CTNNA3: variants seen among roughly 807,000 people sequenced by gnomAD.
The protein encoded by CTNNA3 is catenin alpha-3.
CTNNA3 carries 76 observed loss-of-function variants against 95.7 expected under a neutral mutation model. The observed-to-expected ratio is 0.79, with a 90% CI of 0.66 to 0.96. CTNNA3 has a LOEUF of 0.96. Ranked by LOEUF, CTNNA3 falls within the 40% of genes least tolerant of loss-of-function variation. The pLI is 0.00. For synonymous variants in CTNNA3, 431 were observed against 374.4 expected, an observed-to-expected ratio of 1.15 and a Z score of -1.74; for missense variants, 1,191 against 1,089.8, an observed-to-expected ratio of 1.09 and a Z score of -1.31.
Position 66,676,638 on chromosome 10 carries a change from G to A in CTNNA3, c.1282-54854C>T, listed in dbSNP as rs543581205. 4.7e-4 allele frequency among the ~76,000 whole-genome samples: 71 copies of A among 152,134 alleles called. 2 individuals carry two copies. The South Asian group carries it at 0.013, about 28-fold the overall frequency. Reference sequence around the variant, plus strand: ...AACCAGCTATGGTCCTAGGACTCAGGAGGATGAAAACAAAATAAAACACAT... The same window carrying A: ...AACCAGCTATGGTCCTAGGACTCAGAAGGATGAAAACAAAATAAAACACAT... On this transcript the variant is annotated intron_variant, in intron 9 of 17. Transcript: ENST00000433211.
At chr10:67,632,241 C>G (rs1839166933) in intron 2 of CTNNA3, among the ~76,000 whole-genome samples, 1 of 149,686 alleles carries the variant, frequency 6.7e-6, no homozygotes, top group Non-Finnish European at 1.5e-5. Flanking sequence ...ATACATACAT[C>G]AAATCATCAC....
intron 12 of CTNNA3, among the ~76,000 whole-genome samples, chr10:66,367,796 A>G (rs2092720852): frequency 6.7e-6 from 1 of 148,178 alleles, no homozygotes; most frequent in African/African-American, 2.5e-5. Context: ...TGCTTTCTTT[A>G]TCATGTGACT....
At chr10:67,246,718 G>T (rs1023535054) in intron 5 of CTNNA3, among the ~76,000 whole-genome samples, 2 of 152,118 alleles carry the variant, frequency 1.3e-5, no homozygotes, top group African/African-American at 4.8e-5. Flanking sequence ...GACACTTAAA[G>T]GTATGAGACA....
At chr10:65,921,162 G>C (rs1040272924) in intron 17 of CTNNA3, among the ~76,000 whole-genome samples, 1 of 152,092 alleles carries the variant, frequency 6.6e-6, no homozygotes, top group African/African-American at 2.4e-5. Context: ...AAATGTTTAC[G>C]GATAAAGGAC....
At chr10:66,046,156 C>T (rs906542483) in intron 15 of CTNNA3, among the ~76,000 whole-genome samples, 2 of 152,072 alleles carry the variant, frequency 1.3e-5, no homozygotes, top group Admixed American at 6.6e-5. Flanking sequence ...CTGGGAACAA[C>T]ACAGAGCAAG....
At chr10:66,539,010 T>C (rs1841754141) in intron 10 of CTNNA3, among the ~76,000 whole-genome samples, 1 of 152,196 alleles carries the variant, frequency 6.6e-6, no homozygotes, top group South Asian at 2.1e-4. Flanking sequence ...ATGGTGTATG[T>C]TAAATGACTA....
chr10:67,616,000 A>T (rs1255448097), intron 2 of CTNNA3, among the ~76,000 whole-genome samples: 1 of 152,172 alleles, frequency 6.6e-6, no homozygotes, highest in African/African-American at 2.4e-5. Context: ...AGGAAAGTGA[A>T]AAAGGGTAAG....
At chr10:67,593,285 TG>T (rs1162499565) in intron 3 of CTNNA3, among the ~76,000 whole-genome samples, 4 of 152,164 alleles carry the variant, frequency 2.6e-5, no homozygotes, top group African/African-American at 9.6e-5. Flanking sequence ...AACACATGAG[TG>T]TATGTGTCTT....
chr10:67,468,368 A>T (rs1178983031), intron 5 of CTNNA3, among the ~76,000 whole-genome samples: 1 of 144,312 alleles, frequency 6.9e-6, no homozygotes, highest in Non-Finnish European at 1.5e-5. Context: ...GTTCCTTTTA[A>T]AAAAAAAATG....
At chr10:67,331,655 AAT>A in intron 5 of CTNNA3, among the ~76,000 whole-genome samples, 1 of 152,264 alleles carries the variant, frequency 6.6e-6, no homozygotes, top group East Asian at 1.9e-4. Flanking sequence ...GAGTGAGATG[AAT>A]ATATATGTGT....
intron 7 of CTNNA3, among the ~76,000 whole-genome samples, chr10:66,877,374 G>A (rs922599701): frequency 6.6e-6 from 1 of 152,126 alleles, no homozygotes; most frequent in East Asian, 1.9e-4. Context: ...TGCACAGCAG[G>A]CACATTGCTT....
At chr10:66,160,145 T>C (rs1446838799) in intron 13 of CTNNA3, among the ~76,000 whole-genome samples, 1 of 151,990 alleles carries the variant, frequency 6.6e-6, no homozygotes, top group Non-Finnish European at 1.5e-5. Context: ...GTTTTATTTA[T>C]CTCTTGTATT....
At position 67,303,751 on chromosome 10, in the gene CTNNA3, A is replaced by G. The variant is rs185781519; in HGVS notation, c.580-83881T>C. Among the ~76,000 whole-genome samples the G allele has an allele frequency of 1.2e-3, 177 of 152,192 alleles. 1 individual carries two copies. The highest frequency in any genetic ancestry group is 4.1e-3 in the African/African-American group (171 of 41,526). On this transcript the variant is annotated intron_variant, in intron 5 of 17. Transcript: ENST00000433211. The stretch of plus-strand genomic sequence containing the variant: ...ATGTCAGGGATTGTTACTATTATTC[A>G]TTTTATAATCACCTCCTTTCCCCTA...
At chr10:66,382,568 G>T (rs117893292) in intron 11 of CTNNA3, among the ~76,000 whole-genome samples, 1 of 152,150 alleles carries the variant, frequency 6.6e-6, no homozygotes, top group Non-Finnish European at 1.5e-5. Flanking sequence ...GCTATGAAGA[G>T]AGCAGTGGTT....
intron 13 of CTNNA3, among the ~76,000 whole-genome samples, chr10:66,160,799 C>T (rs1157490280): frequency 6.6e-6 from 1 of 151,968 alleles, no homozygotes; most frequent in Non-Finnish European, 1.5e-5. Flanking sequence ...CCCACTATTA[C>T]TGTGTTCTGT....
chr10:66,381,272 T>C, intron 11 of CTNNA3, among the ~76,000 whole-genome samples: 1 of 152,126 alleles, frequency 6.6e-6, no homozygotes, highest in Non-Finnish European at 1.5e-5. Context: ...CCTACTATTC[T>C]TTCAAGCCAC....
chr10:67,135,684 A>G (rs1409294455), intron 7 of CTNNA3, among the ~76,000 whole-genome samples: 1 of 152,092 alleles, frequency 6.6e-6, no homozygotes, highest in Non-Finnish European at 1.5e-5. Context: ...CAAAAAAACA[A>G]AAACAAAAAA....
intron 7 of CTNNA3, among the ~76,000 whole-genome samples, chr10:67,174,292 T>C (rs1035427585): frequency 6.6e-6 from 1 of 152,164 alleles, no homozygotes; most frequent in African/African-American, 2.4e-5. Context: ...TTAAGAGAGA[T>C]TAGTACATTA....
At chr10:66,357,781 G>A (rs1007665530) in intron 12 of CTNNA3, among the ~76,000 whole-genome samples, 2 of 152,108 alleles carry the variant, frequency 1.3e-5, no homozygotes, top group East Asian at 3.9e-4. Flanking sequence ...TTGTGTGGGT[G>A]TATGTTTTTA....
Sources: gnomAD v4.1 joint callset for allele counts (sites outside exome capture counted in the v4.1 genomes callset) on GRCh38, gnomAD v4.1.1 for gene constraint, MANE v1.5 for transcripts, NCBI Gene and HGNC (gene_info 2026-07-23, HGNC 2026-07-21) for gene names.